Variants in SSPN observed in about 807,000 individuals in gnomAD.
The protein encoded by SSPN is K-ras oncogene-associated protein.
SSPN carries 15 observed loss-of-function variants against 19.1 expected under a neutral mutation model. The ratio of observed to expected loss-of-function variants is 0.78; its 90% CI spans 0.52 to 1.21. The LOEUF is 1.21. SSPN is among the 50% of genes most tolerant of loss of function. The probability of loss-of-function intolerance (pLI) is 0.00; values close to 1 mark genes in which losing one functional copy is unlikely to be tolerated. For synonymous variants in SSPN, 147 were observed against 140.3 expected (o/e 1.05, Z -0.34); for missense variants, 291 against 314.0 (o/e 0.93, Z 0.55).
chr12:26,186,302 C>T (rs2137447195), intron 1 of SSPN, among the ~76,000 whole-genome samples: 1 of 152,170 alleles, frequency 6.6e-6, no homozygotes, highest in East Asian at 1.9e-4. Flanking sequence ...TAACATACCA[C>T]TTAATTTTAT....
chr12:26,133,643 T>C (rs946119783), intron 1 of SSPN, among the ~76,000 whole-genome samples: 1 of 152,198 alleles, frequency 6.6e-6, no homozygotes, highest in African/African-American at 2.4e-5. Flanking sequence ...CTGAATCCCA[T>C]TGAGCTCAGC....
At chr12:26,126,147 G>A (rs930203747) in intron 1 of SSPN, 1 of 152,212 alleles carries the variant, frequency 6.6e-6, no homozygotes, top group South Asian at 2.1e-4. Context: ...CTCGGCGCCG[G>A]GAATCACAGG....
At chr12:26,124,031 C>T (rs1944339475) in intron 1 of SSPN, 1 of 1,321,122 alleles carries the variant, frequency 7.6e-7, no homozygotes, top group Non-Finnish European at 1.1e-6. Context: ...ACTATTAACA[C>T]GCCCTTGGAG....
At chr12:26,123,368 C>A (rs1192393160) in intron 1 of SSPN, among the ~76,000 whole-genome samples, 1 of 152,166 alleles carries the variant, frequency 6.6e-6, no homozygotes, top group Non-Finnish European at 1.5e-5. Context: ...AGAGGGCGCT[C>A]TCCTCCCAGC....
At chr12:26,123,795 G>T in intron 1 of SSPN, 1 of 1,141,976 alleles carries the variant, frequency 8.8e-7, no homozygotes, top group South Asian at 1.2e-5. Context: ...ACACACATTT[G>T]GCTTAATTGG....
At chr12:26,134,376 C>T (rs1347374840) in intron 1 of SSPN, among the ~76,000 whole-genome samples, 1 of 152,220 alleles carries the variant, frequency 6.6e-6, no homozygotes, top group African/African-American at 2.4e-5. Context: ...TTGTCTCCTT[C>T]TATCAGCTCC....
intron 1 of SSPN, chr12:26,125,762 C>T (rs947582046): frequency 6.7e-6 from 1 of 148,688 alleles, no homozygotes; most frequent in Non-Finnish European, 1.5e-5. Flanking sequence ...CCTGGAGGAA[C>T]GCGGCGGGGA....
intron 1 of SSPN, among the ~76,000 whole-genome samples, chr12:26,165,805 T>C (rs184045235): frequency 6.6e-6 from 1 of 152,358 alleles, no homozygotes; most frequent in Admixed American, 6.5e-5. Flanking sequence ...ATTGTCTTTG[T>C]GTTTGAAGGT....
chr12:26,123,610 G>C lies in SSPN; in HGVS notation c.-31+1458G>C. On this transcript the variant is annotated intron_variant, in intron 1 of 2. Coordinates refer to the SSPN transcript ENST00000538142. ...TGCCCCGCTTCATCAGGGTAGGCTG[G>C]CCTCCCTGAACTGACTTACCATTCT... is the stretch of plus-strand genomic sequence containing the variant. The C allele has an allele frequency of 3.9e-6, 6 of 1,557,324 alleles. No homozygotes were observed. In the South Asian group the frequency reaches 5.6e-5, roughly 14 times the overall value.
chr12:26,225,517 T>G (rs1251914481), intron 2 of SSPN, among the ~76,000 whole-genome samples: 1 of 152,170 alleles, frequency 6.6e-6, no homozygotes, highest in Non-Finnish European at 1.5e-5. Flanking sequence ...TTGCAGTTTT[T>G]CTCTAATTTT....
chr12:26,130,545 T>C (rs1407255793), intron 1 of SSPN, among the ~76,000 whole-genome samples: 4 of 152,230 alleles, frequency 2.6e-5, no homozygotes, highest in African/African-American at 7.2e-5. Flanking sequence ...AAAAATCATA[T>C]ATAACAATTA....
chr12:26,215,899 A>T (rs944700714), intron 1 of SSPN, among the ~76,000 whole-genome samples: 1 of 152,352 alleles, frequency 6.6e-6, no homozygotes, highest in East Asian at 1.9e-4. Context: ...TTATGGGGAA[A>T]CAAATGGAGC....
At chr12:26,157,459 T>G (rs1461886891) in intron 1 of SSPN, among the ~76,000 whole-genome samples, 1 of 152,154 alleles carries the variant, frequency 6.6e-6, no homozygotes, top group East Asian at 1.9e-4. Context: ...CCATTTAAAT[T>G]GGGTCAACTC....
At chr12:26,164,888 ACCT>A (rs1259462386) in intron 1 of SSPN, among the ~76,000 whole-genome samples, 4 of 151,956 alleles carry the variant, frequency 2.6e-5, no homozygotes, top group African/African-American at 9.7e-5. Flanking sequence ...TGACAAGTAA[ACCT>A]CCTCTCAATC....
chr12:26,138,009 G>A lies in SSPN; in HGVS notation c.-31+15857G>A, dbSNP rs190701126. On this transcript the variant is annotated intron_variant, in intron 1 of 2. Coordinates refer to the SSPN transcript ENST00000538142. ...CAGTTGTCCCTCAGTATCCACAGGG[G>A]ACTGGTTCCAGGACCTCCCCCGACC... Among the ~76,000 whole-genome samples the A allele has an allele frequency of 2.0e-3, 300 of 152,040 alleles. 1 individual carries two copies. The highest frequency in any genetic ancestry group is 3.4e-3 in the Middle Eastern group (1 of 294).
intron 1 of SSPN, among the ~76,000 whole-genome samples, chr12:26,184,805 A>C (rs1179051546): frequency 6.6e-6 from 1 of 152,174 alleles, no homozygotes; most frequent in Non-Finnish European, 1.5e-5. Flanking sequence ...TTAGTTTTCA[A>C]AACTAAGGGG....
chr12:26,145,836 A>G, intron 1 of SSPN, among the ~76,000 whole-genome samples: 1 of 152,170 alleles, frequency 6.6e-6, no homozygotes, highest in East Asian at 1.9e-4. Context: ...AAGGCATAAC[A>G]AGACTCCTCA....
intron 1 of SSPN, among the ~76,000 whole-genome samples, chr12:26,198,296 T>G (rs1041965175): frequency 2.0e-5 from 3 of 152,198 alleles, no homozygotes; most frequent in Non-Finnish European, 4.4e-5. Context: ...CCTAAGTAGC[T>G]GGAATTACAG....
rs904334579 is a variant in SSPN at position 26,208,026 on chromosome 12, G to T, written c.279+12075G>T. Among the ~76,000 whole-genome samples the T allele has an allele frequency of 6.0e-5, 9 of 150,480 alleles. 1 individual carries two copies. The highest frequency in any genetic ancestry group is 2.0e-4 in the East Asian group (1 of 5,092). ...AAAGAAAGTGGTGGTGGTGGGGGGG[G>T]GGGATATATAACAGTTAATTCATTC... On this transcript the variant is annotated intron_variant, in intron 1 of 2. Transcript: ENST00000242729.
Sources: allele counts gnomAD v4.1 joint callset (sites outside exome capture counted in the v4.1 genomes callset), GRCh38; gene constraint gnomAD v4.1.1; transcripts MANE v1.5; gene names NCBI Gene and HGNC (gene_info 2026-07-23, HGNC 2026-07-21).